Variants in HNF4A observed in about 807,000 individuals in gnomAD.
HNF4A encodes the protein hepatocyte nuclear factor 4 alpha, also known as hepatocyte nuclear factor 4-alpha.
In HNF4A, 15 loss-of-function variants were observed where a neutral mutation model predicts 52.4. That is an observed-to-expected ratio of 0.29 (90% CI 0.19 to 0.44). The LOEUF is 0.44. Among genes scored for constraint, HNF4A ranks in the 20% least tolerant of loss-of-function variants. The pLI, the probability that HNF4A is intolerant of heterozygous loss-of-function variation, is 1.00. For missense variants in HNF4A, 479 were observed against 647.2 expected (o/e 0.74, Z 2.82); for synonymous variants, 280 against 264.4 (o/e 1.06, Z -0.57).
intron 1 of HNF4A, among the ~76,000 whole-genome samples, chr20:44,370,560 A>G (rs909964729): frequency 1.3e-5 from 2 of 151,958 alleles, no homozygotes; most frequent in Non-Finnish European, 2.9e-5. Flanking sequence ...ATTATCCTCT[A>G]CAGCGCTGAA....
At chr20:44,415,030 C>T (rs1489486161) in intron 5 of HNF4A, among the ~76,000 whole-genome samples, 1 of 152,150 alleles carries the variant, frequency 6.6e-6, no homozygotes, top group African/African-American at 2.4e-5. Context: ...CTGAGGCTCT[C>T]CCAGGGGGAT....
At chr20:44,359,584 GT>G (rs2062895541) in intron 1 of HNF4A, among the ~76,000 whole-genome samples, 1 of 152,238 alleles carries the variant, frequency 6.6e-6, no homozygotes, top group Admixed American at 6.5e-5. Flanking sequence ...GTATAAATGA[GT>G]TTCTCAGCCT....
intron 8 of HNF4A, 131 bp downstream of exon 8, chr20:44,424,385 C>A: frequency 6.8e-7 from 1 of 1,467,540 alleles, no homozygotes; most frequent in Non-Finnish European, 9.3e-7. Flanking sequence ...CTTAACCTGT[C>A]TGTGCCTCAG....
intron 3 of HNF4A, among the ~76,000 whole-genome samples, chr20:44,408,782 A>G (rs11574733): frequency 0.14 from 21,558 of 152,076 alleles, 1,644 homozygotes; most frequent in East Asian, 0.16. Flanking sequence ...CTGCTCCTCT[A>G]AACTCAACCT....
At chr20:44,366,489 C>T (rs931031711) in intron 1 of HNF4A, among the ~76,000 whole-genome samples, 3 of 152,012 alleles carry the variant, frequency 2.0e-5, no homozygotes, top group Non-Finnish European at 2.9e-5. Context: ...GGCATGGTGG[C>T]ACGCACCTGT....
At chr20:44,393,309 T>A (rs1438533946) in intron 1 of HNF4A, among the ~76,000 whole-genome samples, 1 of 152,236 alleles carries the variant, frequency 6.6e-6, no homozygotes, top group African/African-American at 2.4e-5. Context: ...GGAGGCAGCC[T>A]GCGGAGAAGC....
In HNF4A at chr20:44,418,414, C is replaced by G. The variant is rs769305871; in HGVS notation, c.649-11C>G. ...GTACAGATGGCAAACACTGTTCCTT[C>G]TCTCTTTCAGGTGGCCCTGCTCAGA... On this transcript the variant is annotated splice_polypyrimidine_tract_variant and intron_variant, in intron 5 of 9. Transcript: ENST00000316099. The G allele has an allele frequency of 1.1e-5, 18 of 1,612,620 alleles. No homozygotes were observed. Among genetic ancestry groups the G allele is most frequent in the Non-Finnish European group, 1.5e-5 (18 of 1,178,628 alleles).
intron 8 of HNF4A, among the ~76,000 whole-genome samples, chr20:44,427,298 C>T (rs1464099129): frequency 6.6e-6 from 1 of 152,152 alleles, no homozygotes; most frequent in Non-Finnish European, 1.5e-5. Flanking sequence ...GGATCAGGAG[C>T]CTGTGGTCTG....
intron 6 of HNF4A, 85 bp from the exon 7 acceptor site, chr20:44,419,636 A>G: frequency 7.7e-7 from 1 of 1,298,568 alleles, no homozygotes; most frequent in East Asian, 2.3e-5. Context: ...GGCACCAGCT[A>G]TCTTGCCAAC....
chr20:44,386,159 ATTT>A lies in HNF4A; in HGVS notation c.50-19876_50-19874del, dbSNP rs35559000. On this transcript the variant is annotated intron_variant, in intron 1 of 9. Coordinates refer to the HNF4A transcript ENST00000316673. ...AGCCACCGTGCCCAGCCACCATCTG[ATTT>A]TTTTTTTTTTTTTTTTTTTTTTGAG... 4.8e-3 allele frequency among the ~76,000 whole-genome samples: 349 copies of A among 73,044 alleles called. 2 individuals carry two copies. The highest frequency in any genetic ancestry group is 0.01 in the African/African-American group (170 of 16,750). 47.9% of individuals were successfully genotyped at this position (73,044 alleles called of 152,430 possible).
Position 44,431,628 on chromosome 20 carries a change from T to C in HNF4A, c.*1963T>C, listed in dbSNP as rs932962679. 6.6e-6 allele frequency: 1 copy of C among 152,164 alleles called. No homozygotes were observed. The highest frequency in any genetic ancestry group is 6.6e-5 in the Admixed American group (1 of 15,252). The allele number at this position is 152,164 out of a possible 1,614,324, so 9.4% of individuals were successfully genotyped here. On this transcript the variant is annotated 3_prime_UTR_variant, in exon 10 of 10. Transcript: ENST00000316099. ...GATGGAGCGACCAGCATGTCATCCATGTGGAATCTTGGTGGCTTTGAGGAC... is the reference window on the plus strand; with the variant it reads ...GATGGAGCGACCAGCATGTCATCCACGTGGAATCTTGGTGGCTTTGAGGAC...
chr20:44,389,155 T>C (rs551427817), intron 1 of HNF4A, among the ~76,000 whole-genome samples: 1 of 152,386 alleles, frequency 6.6e-6, no homozygotes, highest in Admixed American at 6.5e-5. Context: ...TAAAATGACC[T>C]GTGCAGGCAA....
intron 1 of HNF4A, among the ~76,000 whole-genome samples, chr20:44,377,410 C>T (rs986608559): frequency 6.6e-6 from 1 of 152,168 alleles, no homozygotes; most frequent in African/African-American, 2.4e-5. Flanking sequence ...TGTAACAAAC[C>T]TATACGTGTA....
chr20:44,368,006 C>T (rs1255287606), intron 1 of HNF4A, among the ~76,000 whole-genome samples: 1 of 148,604 alleles, frequency 6.7e-6, no homozygotes, highest in African/African-American at 2.5e-5. Context: ...CTCCTTCACG[C>T]AGTTGTCCAG....
At chr20:44,424,561 C>A in intron 8 of HNF4A, 1 of 1,227,062 alleles carries the variant, frequency 8.1e-7, no homozygotes, top group Non-Finnish European at 1.1e-6. Context: ...GCGTGGATAT[C>A]TGTGTATATG....
Position 44,407,802 on chromosome 20 carries a change from T to G in HNF4A, c.385+327T>G, listed in dbSNP as rs138228929. Among the ~76,000 whole-genome samples, 75 of 150,284 alleles carry G rather than the reference T, an allele frequency of 5.0e-4. No individual in the cohort carries two copies. In the South Asian group the frequency reaches 0.011, roughly 21 times the overall value. On this transcript the variant is annotated intron_variant, in intron 3 of 9. Transcript: ENST00000316099. ...GTGTGTGTGTGTGTGTTTAATATAA[T>G]ATTTCGAACGTTAGGACAAGCATAG...
At position 44,367,073 on chromosome 20, in the gene HNF4A, C is replaced by T. The variant is rs369106265; in HGVS notation, c.49+11220C>T. ...ACTCCTGGCCGGGTGCGGTGGCTCACGCCTGTAATCCCAACACTTTTGGAG... is the reference window on the plus strand; with the variant it reads ...ACTCCTGGCCGGGTGCGGTGGCTCATGCCTGTAATCCCAACACTTTTGGAG... On this transcript the variant is annotated intron_variant, in intron 1 of 9. Coordinates refer to the HNF4A transcript ENST00000316673. Among the ~76,000 whole-genome samples the T allele has an allele frequency of 2.4e-4, 37 of 152,288 alleles. No homozygotes were observed. The East Asian group carries it at 3.9e-3, about 16-fold the overall frequency.
chr20:44,356,430 G>T (rs1356746242), intron 1 of HNF4A, among the ~76,000 whole-genome samples: 2 of 152,148 alleles, frequency 1.3e-5, no homozygotes, highest in Non-Finnish European at 2.9e-5. Context: ...AGAGTGAAAG[G>T]CTCAGGCTCA....
At chr20:44,366,841 A>G (rs2062974826) in intron 1 of HNF4A, among the ~76,000 whole-genome samples, 1 of 152,218 alleles carries the variant, frequency 6.6e-6, no homozygotes, top group African/African-American at 2.4e-5. Context: ...ACAATTATAG[A>G]TAAATAAAGT....
Sources: allele counts gnomAD v4.1 joint callset (sites outside exome capture counted in the v4.1 genomes callset), GRCh38; gene constraint gnomAD v4.1.1; transcripts MANE v1.5; gene names NCBI Gene and HGNC (gene_info 2026-07-23, HGNC 2026-07-21).